XYLT1: variants seen among roughly 807,000 people sequenced by gnomAD.
The protein encoded by XYLT1 is beta-D-xylosyltransferase 1.
In XYLT1, 36 loss-of-function variants were observed where a neutral mutation model predicts 91.3. That is an observed-to-expected ratio of 0.39 (90% CI 0.30 to 0.52). The LOEUF is 0.52. Among genes scored for constraint, XYLT1 ranks in the 20% least tolerant of loss-of-function variants. The pLI is 0.68. For synonymous variants in XYLT1, 588 were observed against 532.0 expected (o/e 1.11, Z -1.45); for missense variants, 1,242 against 1,284.5 (o/e 0.97, Z 0.51).
chr16:17,405,235 G>A (rs1229295645), intron 1 of XYLT1, among the ~76,000 whole-genome samples: 1 of 152,150 alleles, frequency 6.6e-6, no homozygotes, highest in Non-Finnish European at 1.5e-5. Context: ...TGTTTCTCCT[G>A]GAATCGGGGC....
chr16:17,356,642 C>T (rs1284504068), intron 2 of XYLT1, among the ~76,000 whole-genome samples: 1 of 152,054 alleles, frequency 6.6e-6, no homozygotes, highest in African/African-American at 2.4e-5. Flanking sequence ...TGGTCTTTTC[C>T]AGTCCACCCC....
chr16:17,199,469 A>G (rs909471880), intron 4 of XYLT1, among the ~76,000 whole-genome samples: 1 of 152,194 alleles, frequency 6.6e-6, no homozygotes, highest in Non-Finnish European at 1.5e-5. Flanking sequence ...CTTGCCTTCC[A>G]TAGAAAAAGT....
chr16:17,167,788 A>G (rs974254071), intron 5 of XYLT1, among the ~76,000 whole-genome samples: 19 of 151,876 alleles, frequency 1.3e-4, no homozygotes, highest in African/African-American at 4.6e-4. Flanking sequence ...CATCTCGTGA[A>G]TGGATTCTAA....
intron 3 of XYLT1, among the ~76,000 whole-genome samples, chr16:17,249,099 G>A (rs1459431054): frequency 6.6e-6 from 1 of 152,088 alleles, no homozygotes; most frequent in Non-Finnish European, 1.5e-5. Flanking sequence ...CTGAGGACGG[G>A]GATTCTATCT....
intron 2 of XYLT1, among the ~76,000 whole-genome samples, chr16:17,273,084 C>T (rs924714595): frequency 1.3e-5 from 2 of 152,186 alleles, no homozygotes; most frequent in African/African-American, 4.8e-5. Context: ...TGAACGTCCC[C>T]AGATGTCCTG....
At chr16:17,199,268 C>T (rs1416981390) in intron 4 of XYLT1, among the ~76,000 whole-genome samples, 1 of 152,134 alleles carries the variant, frequency 6.6e-6, no homozygotes, top group Non-Finnish European at 1.5e-5. Flanking sequence ...ATTGTTTCAC[C>T]AATAGAAACC....
rs544112194 is a variant in XYLT1, at chr16:17,436,164, A to T, written c.363+34270T>A. 3.9e-5 allele frequency among the ~76,000 whole-genome samples: 6 copies of T among 152,246 alleles called. No individual in the cohort carries two copies. In the South Asian group the frequency reaches 1.2e-3, roughly 32 times the overall value. On this transcript the variant is annotated intron_variant, in intron 1 of 11. Transcript: ENST00000261381. ...TGCTCCTCGTTCGCCTTCTGCCATG[A>T]TTGTGCGGCCTCCCCAGCCATGTTA...
intron 1 of XYLT1, among the ~76,000 whole-genome samples, chr16:17,418,255 T>C (rs2036204522): frequency 6.6e-6 from 1 of 152,204 alleles, no homozygotes; most frequent in Non-Finnish European, 1.5e-5. Flanking sequence ...AGGCAGCAGC[T>C]AGGACTAGAT....
chr16:17,198,348 G>T lies in XYLT1; in HGVS notation c.1153C>A (p.Pro385Thr). The change falls in exon 5 of 12, where the codon CCC becomes ACC. Residue 385 changes from proline to threonine, a missense_variant. Physicochemically the swap from Pro to Thr is conservative, Grantham distance 38. Coordinates refer to ENST00000261381, the MANE Select transcript of XYLT1 (RefSeq NM_022166.4). ...CCCCAGATGGTGGCCATTCTCCAGGGGGTGACGCGGACATTGCTGTACTGC... is the reference window on the plus strand; with the variant it reads ...CCCCAGATGGTGGCCATTCTCCAGGTGGTGACGCGGACATTGCTGTACTGC... The part of the protein sequence containing the change: ...SRQYSNVRVT[P>T]WRMATIWGGA... 6.2e-7 allele frequency: 1 copy of T among 1,614,218 alleles called. No individual in the cohort carries two copies. The highest frequency in any genetic ancestry group is 8.5e-7 in the Non-Finnish European group (1 of 1,180,032).
At chr16:17,147,299 CA>C (rs1483286984) in intron 6 of XYLT1, among the ~76,000 whole-genome samples, 1 of 152,194 alleles carries the variant, frequency 6.6e-6, no homozygotes, top group Non-Finnish European at 1.5e-5. Flanking sequence ...TTGAAACTTT[CA>C]ATTTTAGATA....
intron 10 of XYLT1, among the ~76,000 whole-genome samples, chr16:17,120,955 C>A (rs2030030623): frequency 6.6e-6 from 1 of 152,186 alleles, no homozygotes; most frequent in Non-Finnish European, 1.5e-5. Context: ...CTATTGTAAC[C>A]ATTAATCATC....
intron 2 of XYLT1, among the ~76,000 whole-genome samples, chr16:17,285,929 TGTGA>T (rs59247827): frequency 0.33 from 49,308 of 149,054 alleles, 8,524 homozygotes; most frequent in African/African-American, 0.44. Context: ...TCCATGTGTG[TGTGA>T]GTGAGTGAGA....
At chr16:17,315,917 T>C (rs2034623657) in intron 2 of XYLT1, among the ~76,000 whole-genome samples, 2 of 152,092 alleles carry the variant, frequency 1.3e-5, no homozygotes, top group Non-Finnish European at 2.9e-5. Context: ...ATCTTAGCGC[T>C]TTGACAAAGG....
intron 6 of XYLT1, among the ~76,000 whole-genome samples, chr16:17,155,017 G>C (rs2031371335): frequency 6.6e-6 from 1 of 152,218 alleles, no homozygotes; most frequent in Non-Finnish European, 1.5e-5. Context: ...GGAATTTGGA[G>C]ACTTTCTCAT....
chr16:17,375,619 A>G lies in XYLT1; in HGVS notation c.364-17569T>C, dbSNP rs150477460. ...CAAGGCTCTCTGGTGAATTACAGAA[A>G]GGGAAATACAGTCAGATTTGATAAG... On this transcript the variant is annotated intron_variant, in intron 1 of 11. Coordinates refer to ENST00000261381, the MANE Select transcript of XYLT1 (RefSeq NM_022166.4). Among the ~76,000 whole-genome samples, 829 of 152,318 alleles carry G rather than the reference A, an allele frequency of 5.4e-3. 10 individuals are homozygous for G. Among genetic ancestry groups the G allele is most frequent in the African/African-American group, 0.019 (802 of 41,576 alleles).
At chr16:17,347,881 G>A (rs1160263097) in intron 2 of XYLT1, among the ~76,000 whole-genome samples, 2 of 152,212 alleles carry the variant, frequency 1.3e-5, no homozygotes, top group African/African-American at 2.4e-5. Context: ...CACCACCCTG[G>A]GGCCTGAAGG....
chr16:17,378,661 G>T (rs922059499), intron 1 of XYLT1, among the ~76,000 whole-genome samples: 13 of 152,152 alleles, frequency 8.5e-5, no homozygotes, highest in African/African-American at 4.8e-5. Flanking sequence ...TTAACTCTTT[G>T]TAACTCATGT....
chr16:17,303,559 G>T (rs2034428787), intron 2 of XYLT1, among the ~76,000 whole-genome samples: 1 of 152,196 alleles, frequency 6.6e-6, no homozygotes. Context: ...CATAAAACTG[G>T]CATAAGAGGG....
chr16:17,329,941 G>A (rs968236696), intron 2 of XYLT1, among the ~76,000 whole-genome samples: 16 of 152,258 alleles, frequency 1.1e-4, no homozygotes, highest in Admixed American at 2.0e-4. Context: ...AATGTTGAGC[G>A]TCTAACACCT....
Sources: allele counts gnomAD v4.1 joint callset (sites outside exome capture counted in the v4.1 genomes callset), GRCh38; gene constraint gnomAD v4.1.1; transcripts MANE v1.5; gene names NCBI Gene and HGNC (gene_info 2026-07-23, HGNC 2026-07-21).